Variants in NRXN3 observed in about 807,000 individuals in gnomAD.
The protein encoded by NRXN3 is neurexin III.
In NRXN3, 32 loss-of-function variants were observed where a neutral mutation model predicts 137.6. The ratio of observed to expected loss-of-function variants is 0.23; its 90% CI spans 0.18 to 0.31. The LOEUF (loss-of-function observed/expected upper bound fraction) is 0.31, where lower values mean the gene tolerates loss of function less well. Ranked by LOEUF, NRXN3 falls within the 10% of genes least tolerant of loss-of-function variation. The pLI is 1.00. For missense variants in NRXN3, 1,574 were observed against 2,062.5 expected, an observed-to-expected ratio of 0.76 and a Z score of 4.59; for synonymous variants, 798 against 784.5, an observed-to-expected ratio of 1.02 and a Z score of -0.29.
chr14:79,724,427 C>T (rs2098867605), intron 19 of NRXN3, among the ~76,000 whole-genome samples: 1 of 152,058 alleles, frequency 6.6e-6, no homozygotes, highest in Non-Finnish European at 1.5e-5. Context: ...TGATTTTTCA[C>T]CCCTCTTCTC....
intron 4 of NRXN3, among the ~76,000 whole-genome samples, chr14:78,366,166 T>C (rs1196423656): frequency 6.6e-6 from 1 of 152,186 alleles, no homozygotes; most frequent in Non-Finnish European, 1.5e-5. Context: ...CTTAGTACAG[T>C]ACCCTAACAC....
intron 15 of NRXN3, among the ~76,000 whole-genome samples, chr14:79,292,530 G>A (rs996020634): frequency 6.6e-6 from 1 of 152,224 alleles, no homozygotes; most frequent in East Asian, 1.9e-4. Context: ...GCTTTCAAAA[G>A]TGTGGCATTC....
intron 1 of NRXN3, among the ~76,000 whole-genome samples, chr14:78,200,537 A>G (rs1359045919): frequency 2.0e-5 from 3 of 152,168 alleles, no homozygotes; most frequent in Non-Finnish European, 2.9e-5. Context: ...GTGTTTTTAG[A>G]AGCCTTTCAG....
At chr14:79,743,391 A>G (rs1295046295) in intron 19 of NRXN3, among the ~76,000 whole-genome samples, 1 of 152,128 alleles carries the variant, frequency 6.6e-6, no homozygotes, top group Non-Finnish European at 1.5e-5. Flanking sequence ...TTCACTGACA[A>G]CTCAGAAATC....
At chr14:79,768,532 G>A (rs2099064586) in intron 19 of NRXN3, among the ~76,000 whole-genome samples, 1 of 152,160 alleles carries the variant, frequency 6.6e-6, no homozygotes. Flanking sequence ...TCACATGGCA[G>A]GGTACTCCAA....
chr14:78,716,139 C>T (rs1040828449), intron 8 of NRXN3, among the ~76,000 whole-genome samples: 6 of 152,144 alleles, frequency 3.9e-5, no homozygotes, highest in East Asian at 1.9e-4. Flanking sequence ...ATTCCCTTTT[C>T]GTTCACCACT....
At chr14:78,834,030 T>A (rs1163513553) in intron 10 of NRXN3, among the ~76,000 whole-genome samples, 2 of 152,236 alleles carry the variant, frequency 1.3e-5, no homozygotes, top group Non-Finnish European at 2.9e-5. Flanking sequence ...TTACAGGTCA[T>A]GCCAATTGAA....
chr14:79,237,507 T>C (rs560646298), intron 15 of NRXN3, among the ~76,000 whole-genome samples: 34 of 151,850 alleles, frequency 2.2e-4, no homozygotes, highest in African/African-American at 8.2e-4. Flanking sequence ...AGGCATGGAG[T>C]TTGGCTGCAG....
chr14:79,047,413 A>G (rs2099634662), intron 15 of NRXN3, among the ~76,000 whole-genome samples: 1 of 152,208 alleles, frequency 6.6e-6, no homozygotes, highest in South Asian at 2.1e-4. Flanking sequence ...AGCACTAAGT[A>G]TATAAAAGAA....
intron 16 of NRXN3, among the ~76,000 whole-genome samples, chr14:79,650,138 G>A (rs1271523039): frequency 6.6e-6 from 1 of 152,170 alleles, no homozygotes; most frequent in Non-Finnish European, 1.5e-5. Context: ...CTTGATGTGT[G>A]GGGAAAAACC....
chr14:78,590,892 T>G (rs955869845), intron 4 of NRXN3, among the ~76,000 whole-genome samples: 3 of 152,052 alleles, frequency 2.0e-5, no homozygotes, highest in African/African-American at 7.3e-5. Context: ...AAGGAGACTC[T>G]GTCTCAAAAC....
At chr14:78,212,381 T>C (rs1328729490) in intron 1 of NRXN3, among the ~76,000 whole-genome samples, 1 of 152,218 alleles carries the variant, frequency 6.6e-6, no homozygotes, top group African/African-American at 2.4e-5. Flanking sequence ...ATGAAATTAA[T>C]GGCTTGAGGC....
chr14:78,773,895 G>C (rs1160371341), intron 8 of NRXN3, among the ~76,000 whole-genome samples: 1 of 151,970 alleles, frequency 6.6e-6, no homozygotes, highest in Non-Finnish European at 1.5e-5. Flanking sequence ...TCCGCCTCCC[G>C]GGTTCAAGCG....
intron 1 of NRXN3, among the ~76,000 whole-genome samples, chr14:78,189,555 C>T (rs2060524773): frequency 6.6e-6 from 1 of 152,120 alleles, no homozygotes; most frequent in Admixed American, 6.5e-5. Flanking sequence ...GTCCCACCTC[C>T]AAGCCTTTGT....
intron 4 of NRXN3, among the ~76,000 whole-genome samples, chr14:78,418,955 C>G (rs959594982): frequency 6.6e-6 from 1 of 152,224 alleles, no homozygotes; most frequent in Non-Finnish European, 1.5e-5. Context: ...CTCAAGTTGT[C>G]ACTATATTAC....
At chr14:79,848,751 T>C (rs2099385748) in intron 20 of NRXN3, among the ~76,000 whole-genome samples, 1 of 152,122 alleles carries the variant, frequency 6.6e-6, no homozygotes, top group Non-Finnish European at 1.5e-5. Flanking sequence ...GCCCCAGATA[T>C]GGCCCAGGTG....
rs1442448952 is a variant in NRXN3, at chr14:79,094,973, A to AG, written c.3262+106833dup. On this transcript the variant is annotated intron_variant, in intron 15 of 20. Coordinates refer to ENST00000335750, the MANE Select transcript of NRXN3 (RefSeq NM_001330195.2). ...AAGAGAGAGAGAGAGAGAGAGAGAG[A>AG]GAGAGAGTGTGTGTGTGTGTGTGTG... 1.6e-3 allele frequency among the ~76,000 whole-genome samples: 152 copies of AG among 94,774 alleles called. 2 individuals are homozygous for AG. In the East Asian group the frequency reaches 0.074, roughly 46 times the overall value. 62.2% of individuals were successfully genotyped at this position (94,774 alleles called of 152,430 possible).
intron 10 of NRXN3, among the ~76,000 whole-genome samples, chr14:78,904,311 T>A (rs1057328635): frequency 5.9e-5 from 9 of 152,026 alleles, no homozygotes; most frequent in African/African-American, 2.2e-4. Context: ...CCAAGGATGC[T>A]GCTAAATATC....
At chr14:78,574,454 G>T (rs907724224) in intron 4 of NRXN3, among the ~76,000 whole-genome samples, 1 of 152,254 alleles carries the variant, frequency 6.6e-6, no homozygotes, top group Non-Finnish European at 1.5e-5. Flanking sequence ...AGCCACAGGG[G>T]TGGAGCTGCC....
Sources: gnomAD v4.1 joint callset for allele counts (sites outside exome capture counted in the v4.1 genomes callset) on GRCh38, gnomAD v4.1.1 for gene constraint, MANE v1.5 for transcripts, NCBI Gene and HGNC (gene_info 2026-07-23, HGNC 2026-07-21) for gene names.